The following SV2C variants were observed in gnomAD, a reference collection of about 807,000 sequenced individuals.
SV2C encodes the protein solute carrier family 22 member B3.
In SV2C, 49 loss-of-function variants were observed where a neutral mutation model predicts 79.7. The observed-to-expected ratio is 0.61, with a 90% confidence interval of 0.49 to 0.78. SV2C has a LOEUF of 0.78. Among genes scored for constraint, SV2C ranks in the 30% least tolerant of loss-of-function variants. The pLI is 0.00. For synonymous variants in SV2C, 334 were observed against 333.2 expected, an observed-to-expected ratio of 1.00 and a Z score of -0.03; for missense variants, 833 against 912.9, an observed-to-expected ratio of 0.91 and a Z score of 1.13.
the SV2C span, among the ~76,000 whole-genome samples, chr5:75,940,944 A>C: frequency 1.3e-5 from 2 of 152,334 alleles, no homozygotes; most frequent in African/African-American, 4.8e-5. Flanking sequence ...TTATCTACCC[A>C]CATGTAAAAC....
chr5:76,335,828 C>T (rs900776856), downstream of SV2C, among the ~76,000 whole-genome samples: 3 of 152,240 alleles, frequency 2.0e-5, no homozygotes, highest in Non-Finnish European at 2.9e-5. Context: ...CCTCTTTCTA[C>T]ACAGACATGG....
chr5:76,202,814 T>C (rs1159273690), intron 3 of SV2C, among the ~76,000 whole-genome samples: 1 of 152,226 alleles, frequency 6.6e-6, no homozygotes, highest in Non-Finnish European at 1.5e-5. Context: ...ATAAAATACA[T>C]AGCAGTGGAT....
chr5:75,999,517 G>GCA, the SV2C span, among the ~76,000 whole-genome samples: 8 of 152,000 alleles, frequency 5.3e-5, no homozygotes, highest in African/African-American at 1.4e-4. Flanking sequence ...TTCTGCCCGT[G>GCA]TCCAAAGCCT....
At chr5:76,154,033 T>C (rs1431498808) in intron 2 of SV2C, among the ~76,000 whole-genome samples, 1 of 152,208 alleles carries the variant, frequency 6.6e-6, no homozygotes, top group Non-Finnish European at 1.5e-5. Flanking sequence ...AGTCATGGAC[T>C]ACAAGGTAAA....
At chr5:76,196,179 T>C (rs1459912961) in intron 3 of SV2C, among the ~76,000 whole-genome samples, 1 of 152,192 alleles carries the variant, frequency 6.6e-6, no homozygotes, top group Non-Finnish European at 1.5e-5. Context: ...TAATTATGTA[T>C]AGTAGCATTT....
At chr5:76,307,109 T>C (rs2060424712) in intron 12 of SV2C, among the ~76,000 whole-genome samples, 1 of 152,252 alleles carries the variant, frequency 6.6e-6, no homozygotes, top group Non-Finnish European at 1.5e-5. Flanking sequence ...TGGGGTTTGC[T>C]CAGCTTCTTG....
chr5:76,024,316 T>C, the SV2C span, among the ~76,000 whole-genome samples: 6 of 152,204 alleles, frequency 3.9e-5, no homozygotes, highest in South Asian at 8.3e-4. Context: ...TAGCTAACTT[T>C]TCAAAATATA....
At chr5:75,848,826 A>G in the SV2C span, among the ~76,000 whole-genome samples, 1 of 152,174 alleles carries the variant, frequency 6.6e-6, no homozygotes, top group Non-Finnish European at 1.5e-5. Flanking sequence ...CTGTGGTTTG[A>G]ATCCCTACTC....
intron 4 of SV2C, among the ~76,000 whole-genome samples, chr5:76,213,709 T>A (rs1032532513): frequency 1.3e-5 from 2 of 152,206 alleles, no homozygotes; most frequent in African/African-American, 4.8e-5. Context: ...ATCGAGCTAA[T>A]TAACATCTTT....
At chr5:76,024,826 C>T in the SV2C span, among the ~76,000 whole-genome samples, 4 of 152,062 alleles carry the variant, frequency 2.6e-5, no homozygotes, top group Admixed American at 1.3e-4. Context: ...CTGGGAATAG[C>T]GTATTTTCTA....
the SV2C span, among the ~76,000 whole-genome samples, chr5:75,921,884 C>CATTA: frequency 6.6e-6 from 1 of 151,574 alleles, no homozygotes; most frequent in South Asian, 2.1e-4. Context: ...TTTATTCATT[C>CATTA]ATTCATTCAT....
the SV2C span, among the ~76,000 whole-genome samples, chr5:75,972,828 T>G: frequency 6.6e-6 from 1 of 152,064 alleles, no homozygotes; most frequent in African/African-American, 2.4e-5. Flanking sequence ...CATTACTGGG[T>G]AAACACCCAA....
chr5:75,928,261 T>C, the SV2C span, among the ~76,000 whole-genome samples: 1 of 152,208 alleles, frequency 6.6e-6, no homozygotes, highest in Admixed American at 6.5e-5. Context: ...TTGTCATTAA[T>C]TTTATTTCAT....
chr5:76,051,553 A>G, the SV2C span, among the ~76,000 whole-genome samples: 1 of 152,234 alleles, frequency 6.6e-6, no homozygotes, highest in South Asian at 2.1e-4. Context: ...AAATACAACT[A>G]TGAAAAATAA....
At chr5:76,149,446 G>A (rs1220327892) in intron 2 of SV2C, among the ~76,000 whole-genome samples, 2 of 152,226 alleles carry the variant, frequency 1.3e-5, no homozygotes, top group African/African-American at 2.4e-5. Context: ...GAGACGCTGA[G>A]GCTGCTGGTT....
the SV2C span, among the ~76,000 whole-genome samples, chr5:76,057,199 G>T: frequency 6.6e-6 from 1 of 151,910 alleles, no homozygotes; most frequent in Admixed American, 6.6e-5. Context: ...GTGTCTCTTT[G>T]TTCTCATTGG....
the SV2C span, among the ~76,000 whole-genome samples, chr5:75,909,814 G>C: frequency 3.0e-3 from 461 of 151,968 alleles, 4 homozygotes; most frequent in African/African-American, 0.011. Flanking sequence ...TGGTAAAATT[G>C]TACCTATTTG....
chr5:75,945,789 A>T, the SV2C span, among the ~76,000 whole-genome samples: 4 of 152,156 alleles, frequency 2.6e-5, no homozygotes, highest in Non-Finnish European at 4.4e-5. Context: ...TAGAAAAATC[A>T]CTAGATATTT....
At chr5:75,974,865 G>T in the SV2C span, among the ~76,000 whole-genome samples, 1 of 152,080 alleles carries the variant, frequency 6.6e-6, no homozygotes, top group Non-Finnish European at 1.5e-5. Context: ...ACCCTCTGAG[G>T]TATATGCTAT....
Sources: gnomAD v4.1 joint callset for allele counts (sites outside exome capture counted in the v4.1 genomes callset) on GRCh38, gnomAD v4.1.1 for gene constraint, MANE v1.5 for transcripts, NCBI Gene and HGNC (gene_info 2026-07-23, HGNC 2026-07-21) for gene names.